Variants in INPP5A observed in about 807,000 individuals in gnomAD.
INPP5A encodes the protein 43 kDa inositol polyphosphate 5-phophatase.
INPP5A carries 14 observed loss-of-function variants against 65.2 expected under a neutral mutation model. The observed-to-expected ratio is 0.21, with a 90% confidence interval of 0.14 to 0.34. The LOEUF (loss-of-function observed/expected upper bound fraction) is 0.34, where lower values mean the gene tolerates loss of function less well. Ranked by LOEUF, INPP5A falls within the 10% of genes least tolerant of loss-of-function variation. The pLI, the probability that INPP5A is intolerant of heterozygous loss-of-function variation, is 1.00. For synonymous variants in INPP5A, 207 were observed against 208.3 expected (o/e 0.99, Z 0.05); for missense variants, 431 against 545.6 (o/e 0.79, Z 2.09).
At position 132,765,016 on chromosome 10, in the gene INPP5A, C is replaced by T. The variant is rs570052703; in HGVS notation, c.904-757C>T. On this transcript the variant is annotated intron_variant, in intron 11 of 15. Coordinates refer to ENST00000368594, the MANE Select transcript of INPP5A (RefSeq NM_005539.5). Reference sequence around the variant, plus strand: ...GCGTGGTGACACTCAGGAACACGGCCGGGCCAGTCCTGCAGGGGTGGGAGG... The same window carrying T: ...GCGTGGTGACACTCAGGAACACGGCTGGGCCAGTCCTGCAGGGGTGGGAGG... Among the ~76,000 whole-genome samples the T allele has an allele frequency of 2.1e-3, 293 of 137,668 alleles. 3 individuals are homozygous for T. The highest frequency in any genetic ancestry group is 8.7e-3 in the African/African-American group (279 of 32,158). 90.3% of individuals were successfully genotyped at this position (137,668 alleles called of 152,430 possible).
At chr10:132,561,646 C>T (rs1239308207) in intron 1 of INPP5A, among the ~76,000 whole-genome samples, 1 of 151,318 alleles carries the variant, frequency 6.6e-6, no homozygotes, top group Non-Finnish European at 1.5e-5. Flanking sequence ...ACTTTGTTGT[C>T]TTTTATTCAA....
intron 8 of INPP5A, among the ~76,000 whole-genome samples, chr10:132,712,285 C>T (rs1221715560): frequency 6.6e-6 from 1 of 151,926 alleles, no homozygotes; most frequent in Non-Finnish European, 1.5e-5. Context: ...CACACATGCA[C>T]ATGCATGTGA....
intron 11 of INPP5A, among the ~76,000 whole-genome samples, chr10:132,751,552 G>T (rs997468576): frequency 6.6e-6 from 1 of 152,252 alleles, no homozygotes; most frequent in Non-Finnish European, 1.5e-5. Context: ...CCCGGGTGGC[G>T]CATCCCGGCC....
At chr10:132,767,609 C>G (rs1000343518) in intron 12 of INPP5A, among the ~76,000 whole-genome samples, 33 of 152,194 alleles carry the variant, frequency 2.2e-4, no homozygotes, top group Non-Finnish European at 4.4e-4. Flanking sequence ...TCACACCCCT[C>G]TTCCTGGAGG....
At position 132,644,894 on chromosome 10, in the gene INPP5A, C is replaced by G. The variant is rs1269932873; in HGVS notation, c.118-974C>G. ...TGAGATGGTTCGTGTCCTGGCCTGT[C>G]AGGACTCCCATGAGTGGCGAGGTGT... On this transcript the variant is annotated intron_variant, in intron 2 of 15. Transcript: ENST00000368594. The surrounding 1 kb of genome is among the most constrained non-coding windows in gnomAD (Gnocchi z 6.5). Among the ~76,000 whole-genome samples, 2 of 152,150 alleles carry G rather than the reference C, an allele frequency of 1.3e-5. No homozygotes were observed. Among genetic ancestry groups the G allele is most frequent in the African/African-American group, 4.8e-5 (2 of 41,430 alleles).
Position 132,546,597 on chromosome 10 carries a change from G to A in INPP5A, c.75+8426G>A, listed in dbSNP as rs558029435. Among the ~76,000 whole-genome samples the A allele has an allele frequency of 6.6e-6, 1 of 152,276 alleles. No individual in the cohort carries two copies. The highest frequency in any genetic ancestry group is 6.5e-5 in the Admixed American group (1 of 15,308). On this transcript the variant is annotated intron_variant, in intron 1 of 15. Transcript: ENST00000368594. The surrounding 1 kb of genome is among the most constrained non-coding windows in gnomAD (Gnocchi z 5.7). ...TAGTAGGGCTGCCTCGGCTGCTGGG[G>A]CAGCTTTCCCCGGCCCCTTCCCCGC...
intron 8 of INPP5A, among the ~76,000 whole-genome samples, chr10:132,715,537 C>T (rs1036072905): frequency 4.6e-5 from 7 of 152,226 alleles, no homozygotes; most frequent in African/African-American, 1.4e-4. Context: ...GTGATGCCCG[C>T]GCCCCAGCCC....
At chr10:132,677,213 G>C (rs1377524923) in intron 4 of INPP5A, among the ~76,000 whole-genome samples, 1 of 152,224 alleles carries the variant, frequency 6.6e-6, no homozygotes, top group Non-Finnish European at 1.5e-5. Context: ...GCTGGACGCT[G>C]TCTCTCCAGA....
At chr10:132,750,265 T>C (rs887207972) in intron 11 of INPP5A, among the ~76,000 whole-genome samples, 1 of 152,268 alleles carries the variant, frequency 6.6e-6, no homozygotes, top group African/African-American at 2.4e-5. Flanking sequence ...TGGGTCTGTG[T>C]GTGAGCACGT....
At chr10:132,687,525 C>T (rs994296667) in intron 4 of INPP5A, among the ~76,000 whole-genome samples, 1 of 152,256 alleles carries the variant, frequency 6.6e-6, no homozygotes, top group Admixed American at 6.5e-5. Context: ...ATGCTGCCTG[C>T]TGCACCCTAG....
chr10:132,606,654 C>T (rs1246387666), intron 1 of INPP5A, among the ~76,000 whole-genome samples: 7 of 152,224 alleles, frequency 4.6e-5, no homozygotes, highest in South Asian at 2.1e-4. Flanking sequence ...AACGGAGGAG[C>T]GCGCCTGGTG....
chr10:132,688,812 G>A (rs1845198221), intron 4 of INPP5A, among the ~76,000 whole-genome samples: 1 of 34,074 alleles, frequency 2.9e-5, no homozygotes, highest in African/African-American at 1.3e-4. Flanking sequence ...GCACCAGTGT[G>A]AGTGCATGAC....
At chr10:132,646,916 C>T (rs1178165737) in intron 3 of INPP5A, among the ~76,000 whole-genome samples, 3 of 152,198 alleles carry the variant, frequency 2.0e-5, no homozygotes, top group Non-Finnish European at 4.4e-5. Context: ...GCAGAGCCGT[C>T]GAGCCCTCCC....
chr10:132,560,095 G>A (rs1222401341), intron 1 of INPP5A, among the ~76,000 whole-genome samples: 1 of 148,082 alleles, frequency 6.8e-6, no homozygotes, highest in African/African-American at 2.5e-5. Context: ...GCTGGGTCAC[G>A]ATGTGTCTTC....
chr10:132,664,606 G>A (rs546058966), intron 4 of INPP5A, among the ~76,000 whole-genome samples: 12 of 152,334 alleles, frequency 7.9e-5, no homozygotes, highest in African/African-American at 2.9e-4. Context: ...CTGTGTGGGG[G>A]TGGCTGGGCC....
intron 12 of INPP5A, among the ~76,000 whole-genome samples, chr10:132,771,525 C>T (rs948635790): frequency 5.9e-5 from 9 of 152,180 alleles, no homozygotes; most frequent in East Asian, 1.9e-4. Flanking sequence ...CTCAGACTGC[C>T]GCAGGGGTCC....
chr10:132,725,415 C>A (rs916364840), intron 8 of INPP5A, among the ~76,000 whole-genome samples: 1 of 152,214 alleles, frequency 6.6e-6, no homozygotes, highest in Non-Finnish European at 1.5e-5. Context: ...CTCTCCAACC[C>A]GAGGGTGGAG....
At chr10:132,687,753 G>A (rs1441649718) in intron 4 of INPP5A, among the ~76,000 whole-genome samples, 1 of 152,188 alleles carries the variant, frequency 6.6e-6, no homozygotes, top group African/African-American at 2.4e-5. Flanking sequence ...ACATGCAAGC[G>A]AGCACTCGCA....
At chr10:132,559,862 G>A (rs990926060) in intron 1 of INPP5A, among the ~76,000 whole-genome samples, 6 of 152,358 alleles carry the variant, frequency 3.9e-5, no homozygotes, top group South Asian at 4.1e-4. Flanking sequence ...TTTATTGTGC[G>A]GAGATCACAT....
Sources: allele counts gnomAD v4.1 joint callset (sites outside exome capture counted in the v4.1 genomes callset), GRCh38; gene constraint gnomAD v4.1.1; non-coding constraint Gnocchi (gnomAD v3.1); transcripts MANE v1.5; gene names NCBI Gene and HGNC (gene_info 2026-07-23, HGNC 2026-07-21).